TOR1AIP2: variants seen among roughly 807,000 people sequenced by gnomAD.
TOR1AIP2 encodes torsin 1A interacting protein 2.
Under a neutral mutation model 32.6 loss-of-function variants are expected in TOR1AIP2, and 20 were observed. That is an observed-to-expected ratio of 0.61 (90% CI 0.43 to 0.89). The LOEUF (loss-of-function observed/expected upper bound fraction) is 0.89, where lower values mean the gene tolerates loss of function less well. Among genes scored for constraint, TOR1AIP2 ranks in the 40% least tolerant of loss-of-function variants. The pLI is 0.00. For synonymous variants in TOR1AIP2, 214 were observed against 210.8 expected (o/e 1.02, Z -0.13); for missense variants, 456 against 553.8 (o/e 0.82, Z 1.77).
chr1:179,841,578 T>C lies in TOR1AIP2; in HGVS notation c.*4493A>G, dbSNP rs777857081. The C allele has an allele frequency of 6.6e-6, 1 of 152,232 alleles. No homozygotes were observed. Among genetic ancestry groups the C allele is most frequent in the Non-Finnish European group, 1.5e-5 (1 of 68,038 alleles). 9.4% of individuals were successfully genotyped at this position (152,232 alleles called of 1,614,324 possible). On this transcript the variant is annotated 3_prime_UTR_variant, in exon 7 of 7. Coordinates refer to ENST00000609928, the MANE Select transcript of TOR1AIP2 (RefSeq NM_001199260.2). ...CTGCAGTGAGCTGTGATTGTGCCAC[T>C]GCACCATAGCTTGGGTGACAGAGTG...
intron 4 of TOR1AIP2, among the ~76,000 whole-genome samples, 194 bp downstream of exon 4, chr1:179,852,438 A>G (rs778153922): frequency 6.6e-6 from 1 of 152,202 alleles, no homozygotes; most frequent in Non-Finnish European, 1.5e-5. Context: ...TATCTTCCTT[A>G]TATTATAATT....
At chr1:179,865,237 G>A in intron 3 of TOR1AIP2, 199 bp downstream of exon 3, 6 of 1,525,202 alleles carry the variant, frequency 3.9e-6, no homozygotes, top group South Asian at 1.3e-5. Flanking sequence ...GTGACAGAGA[G>A]AGACGCCCAA....
chr1:179,860,962 T>C (rs769785745), intron 3 of TOR1AIP2: 8 of 985,544 alleles, frequency 8.1e-6, no homozygotes, highest in Non-Finnish European at 9.6e-6. Context: ...CCTTCACCTG[T>C]AACTCAGAGA....
Position 179,846,139 on chromosome 1 carries a change from G to A in TOR1AIP2, c.1345C>T (p.Arg449Ter), listed in dbSNP as rs1480681605. 1.2e-6 allele frequency: 2 copies of A among 1,614,050 alleles called. No homozygotes were observed. The highest frequency in any genetic ancestry group is 1.7e-6 in the Non-Finnish European group (2 of 1,180,044). The change falls in exon 7 of 7, where the codon CGA becomes TGA. Residue 449 changes from arginine (R) to a stop codon, truncating the protein, a stop_gained. Transcript: ENST00000609928. LOFTEE classifies it high-confidence loss of function. The stretch of plus-strand genomic sequence containing the variant: ...ACTGGCAGTACCAGGTGTGAAATTC[G>A]GCTCCACAGCCCACTCAATTTGTCT... ...DSDKLSGLWSRISHLVLPVQP... is the reference protein window; with the variant it reads ...DSDKLSGLWS
At chr1:179,848,982 AAAAATT>A (rs1696020073) in intron 5 of TOR1AIP2, among the ~76,000 whole-genome samples, 1 of 151,972 alleles carries the variant, frequency 6.6e-6, no homozygotes, top group African/African-American at 2.4e-5. Flanking sequence ...TACAAAAAAA[AAAAATT>A]AGTTGGGCAC....
intron 3 of TOR1AIP2, among the ~76,000 whole-genome samples, chr1:179,858,566 AAAAT>A (rs1211333282): frequency 6.6e-6 from 1 of 152,198 alleles, no homozygotes; most frequent in African/African-American, 2.4e-5. Flanking sequence ...AATGAGTAAT[AAAAT>A]AAATCAGTCT....
intron 5 of TOR1AIP2, among the ~76,000 whole-genome samples, chr1:179,848,225 C>G (rs1328850447): frequency 6.6e-6 from 1 of 152,082 alleles, no homozygotes; most frequent in African/African-American, 2.4e-5. Flanking sequence ...CCAAACTTAC[C>G]TAAAATGTAA....
intron 3 of TOR1AIP2, among the ~76,000 whole-genome samples, chr1:179,855,011 A>T (rs1696246171): frequency 6.6e-6 from 1 of 152,226 alleles, no homozygotes; most frequent in South Asian, 2.1e-4. Flanking sequence ...ACAAAAGGGA[A>T]ATAATGAATT....
At chr1:179,872,682 A>G (rs1697056499) in intron 2 of TOR1AIP2, among the ~76,000 whole-genome samples, 1 of 152,194 alleles carries the variant, frequency 6.6e-6, no homozygotes, top group African/African-American at 2.4e-5. Context: ...TTCCTTTCCT[A>G]CTTACCCTTT....
chr1:179,846,294 G>C lies in TOR1AIP2; in HGVS notation c.1190C>G (p.Thr397Ser). 6.2e-7 allele frequency: 1 copy of C among 1,614,208 alleles called. No homozygotes were observed. The highest frequency in any genetic ancestry group is 1.6e-4 in the Middle Eastern group (1 of 6,062). Residue 397 changes from threonine to serine, a missense_variant, in exon 7 of 7, where the codon ACT becomes AGT. Coordinates refer to ENST00000609928, the MANE Select transcript of TOR1AIP2 (RefSeq NM_001199260.2). ...TAATGTTTCCTCCTCTAGCAGAACA[G>C]TCAGGACCAGGGCCACATCTTTAAA... The part of the protein sequence containing the change: ...AAFKDVALVL[T>S]VLLEEETLEA...
intron 5 of TOR1AIP2, among the ~76,000 whole-genome samples, chr1:179,849,643 A>C (rs535146446): frequency 2.6e-5 from 4 of 151,436 alleles, no homozygotes; most frequent in Non-Finnish European, 5.9e-5. Flanking sequence ...TGCAGTGGCT[A>C]TTCACAGGGG....
At chr1:179,869,415 A>G (rs1696927458) in intron 2 of TOR1AIP2, among the ~76,000 whole-genome samples, 1 of 152,256 alleles carries the variant, frequency 6.6e-6, no homozygotes, top group South Asian at 2.1e-4. Context: ...GTTTTCTTTA[A>G]CTGGGTGAAG....
rs1695709411 is a variant in TOR1AIP2 at position 179,841,195 on chromosome 1, A to C, written c.*4876T>G. 1 of 152,210 alleles carries C rather than the reference A, an allele frequency of 6.6e-6. No homozygotes were observed. The highest frequency in any genetic ancestry group is 1.5e-5 in the Non-Finnish European group (1 of 68,032). The allele number at this position is 152,210 out of a possible 1,614,324, so 9.4% of individuals were successfully genotyped here. ...AGATAAGCATCAACTTTCCCATTGG[A>C]CAAGTGATAGTGTTCAAGCTACTTG... On this transcript the variant is annotated 3_prime_UTR_variant, in exon 7 of 7. Coordinates refer to ENST00000609928, the MANE Select transcript of TOR1AIP2 (RefSeq NM_001199260.2).
At chr1:179,854,995 C>T (rs755582936) in intron 3 of TOR1AIP2, among the ~76,000 whole-genome samples, 2 of 152,042 alleles carry the variant, frequency 1.3e-5, no homozygotes, top group Non-Finnish European at 2.9e-5. Flanking sequence ...GGAAATTGGC[C>T]AATTCACAAA....
At chr1:179,869,293 A>G (rs1696923060) in intron 2 of TOR1AIP2, 1 of 152,240 alleles carries the variant, frequency 6.6e-6, no homozygotes, top group African/African-American at 2.4e-5. Context: ...AGCTTTAAAA[A>G]AAAAAAAAGA....
intron 2 of TOR1AIP2, chr1:179,875,845 C>A (rs1053951723): frequency 1.3e-5 from 2 of 152,226 alleles, no homozygotes; most frequent in Non-Finnish European, 2.9e-5. Flanking sequence ...TAGGGACACG[C>A]TTCCTTATTC....
intron 3 of TOR1AIP2, among the ~76,000 whole-genome samples, chr1:179,855,005 A>C (rs1485308837): frequency 2.0e-5 from 3 of 152,224 alleles, no homozygotes; most frequent in Non-Finnish European, 2.9e-5. Flanking sequence ...CAATTCACAA[A>C]AGGGAAATAA....
intron 3 of TOR1AIP2, among the ~76,000 whole-genome samples, chr1:179,854,970 T>A (rs1200737957): frequency 6.6e-6 from 1 of 151,986 alleles, no homozygotes; most frequent in Non-Finnish European, 1.5e-5. Context: ...AAGAAATATA[T>A]GCATACATAC....
chr1:179,873,306 C>A (rs1697080228), intron 2 of TOR1AIP2, among the ~76,000 whole-genome samples: 1 of 152,226 alleles, frequency 6.6e-6, no homozygotes, highest in Non-Finnish European at 1.5e-5. Context: ...GGATTACAGA[C>A]ATGAGCCTCT....
Sources: gnomAD v4.1 joint callset for allele counts (sites outside exome capture counted in the v4.1 genomes callset) on GRCh38, gnomAD v4.1.1 for gene constraint, MANE v1.5 for transcripts, NCBI Gene and HGNC (gene_info 2026-07-23, HGNC 2026-07-21) for gene names.